Variants in FMN2 observed in about 807,000 individuals in gnomAD.
The protein encoded by FMN2 is formin-2.
A neutral mutation model predicts 142.3 loss-of-function variants in FMN2; 51 were observed. The ratio of observed to expected loss-of-function variants is 0.36; its 90% CI spans 0.29 to 0.45. FMN2 has a LOEUF of 0.45. Among genes scored for constraint, FMN2 ranks in the 20% least tolerant of loss-of-function variants. The pLI is 1.00. For missense variants in FMN2, 1,936 were observed against 2,122.8 expected (o/e 0.91, Z 1.73); for synonymous variants, 882 against 869.8 (o/e 1.01, Z -0.25).
At chr1:240,380,461 G>T (rs1037884738) in intron 14 of FMN2, among the ~76,000 whole-genome samples, 3 of 151,944 alleles carry the variant, frequency 2.0e-5, no homozygotes, top group African/African-American at 7.3e-5. Context: ...ACTGCTACTG[G>T]GTACATATAT....
chr1:240,447,682 G>T (rs562176646), intron 16 of FMN2, among the ~76,000 whole-genome samples: 1 of 152,196 alleles, frequency 6.6e-6, no homozygotes, highest in Non-Finnish European at 1.5e-5. Context: ...ACGTAGATTC[G>T]TCTTTGTGAG....
intron 5 of FMN2, 128 bp from the exon 6 acceptor site, chr1:240,210,963 A>G (rs1312151359): frequency 6.6e-6 from 5 of 752,480 alleles, no homozygotes; most frequent in Non-Finnish European, 8.3e-6. Context: ...TTTCCTTCTT[A>G]TCTCTCTTCT....
At chr1:240,343,108 A>G (rs144675724) in intron 13 of FMN2, among the ~76,000 whole-genome samples, 5 of 152,326 alleles carry the variant, frequency 3.3e-5, no homozygotes, top group African/African-American at 1.2e-4. Context: ...TCTAACAGAT[A>G]TAAAATATTC....
At chr1:240,392,606 G>A in intron 15 of FMN2, 44 bp downstream of exon 15, 1 of 1,501,354 alleles carries the variant, frequency 6.7e-7, no homozygotes, top group Non-Finnish European at 9.1e-7. Context: ...GTTATAACAT[G>A]CTAAGTGTAT....
intron 14 of FMN2, among the ~76,000 whole-genome samples, chr1:240,388,071 A>G (rs530314001): frequency 1.4e-3 from 211 of 150,410 alleles, no homozygotes; most frequent in African/African-American, 4.9e-3. Context: ...CCAGCTACTC[A>G]GGAGGCTGAG....
At chr1:240,364,782 C>T (rs889772932) in intron 14 of FMN2, among the ~76,000 whole-genome samples, 1 of 152,204 alleles carries the variant, frequency 6.6e-6, no homozygotes, top group African/African-American at 2.4e-5. Context: ...GTGTCTTCAG[C>T]ACCTAGTACG....
chr1:240,133,576 C>T (rs1395622504), intron 2 of FMN2, among the ~76,000 whole-genome samples: 3 of 152,176 alleles, frequency 2.0e-5, no homozygotes, highest in African/African-American at 4.8e-5. Context: ...TCTCCTGACC[C>T]ACTTTCCTTT....
chr1:240,393,064 G>C (rs1673660422), intron 15 of FMN2, among the ~76,000 whole-genome samples: 1 of 151,862 alleles, frequency 6.6e-6, no homozygotes, highest in South Asian at 2.1e-4. Context: ...TATACGTCAG[G>C]GTTCTGTAGA....
intron 1 of FMN2, among the ~76,000 whole-genome samples, chr1:240,099,015 G>C (rs1661317824): frequency 6.6e-6 from 1 of 152,092 alleles, no homozygotes; most frequent in South Asian, 2.1e-4. Context: ...TTGCTGTTTA[G>C]CTAAGTGAGT....
At chr1:240,352,201 G>A (rs1672118641) in intron 13 of FMN2, among the ~76,000 whole-genome samples, 1 of 152,176 alleles carries the variant, frequency 6.6e-6, no homozygotes, top group Non-Finnish European at 1.5e-5. Context: ...AGCTCGCTGA[G>A]GACAGGGGTT....
At chr1:240,194,332 G>T (rs1385004736) in intron 4 of FMN2, among the ~76,000 whole-genome samples, 1 of 152,132 alleles carries the variant, frequency 6.6e-6, no homozygotes, top group African/African-American at 2.4e-5. Context: ...ACTTTTAACT[G>T]GGGAACTGTC....
intron 6 of FMN2, among the ~76,000 whole-genome samples, chr1:240,242,613 T>C (rs1043726056): frequency 6.6e-6 from 1 of 152,112 alleles, no homozygotes; most frequent in African/African-American, 2.4e-5. Context: ...GTCTAAAATA[T>C]ACATCAAGAC....
Position 240,286,850 on chromosome 1 carries a change from T to A in FMN2, c.4154-7972T>A, listed in dbSNP as rs1183124932. Among the ~76,000 whole-genome samples, 3 of 152,168 alleles carry A rather than the reference T, an allele frequency of 2.0e-5. No individual in the cohort carries two copies. In the East Asian group the frequency reaches 5.8e-4, roughly 29 times the overall value. On this transcript the variant is annotated intron_variant, in intron 7 of 17. Transcript: ENST00000319653. ...CTTTCAAACTCTGTCACTTTGAGGA[T>A]CTTTTACACCTGACAACGCAGTTCT...
chr1:240,268,530 T>A (rs1668889551), intron 7 of FMN2, among the ~76,000 whole-genome samples: 1 of 152,202 alleles, frequency 6.6e-6, no homozygotes, highest in Admixed American at 6.6e-5. Flanking sequence ...TACTGTTGGC[T>A]CTGTAAAGCA....
At chr1:240,275,205 C>T (rs1022298687) in intron 7 of FMN2, among the ~76,000 whole-genome samples, 1 of 151,702 alleles carries the variant, frequency 6.6e-6, no homozygotes. Context: ...CCGTCACCTA[C>T]ATTAGGTATT....
intron 7 of FMN2, among the ~76,000 whole-genome samples, chr1:240,265,144 A>G (rs1668756582): frequency 6.6e-6 from 1 of 152,204 alleles, no homozygotes; most frequent in Admixed American, 6.5e-5. Context: ...CAGGCATACT[A>G]CTTTTGGCTA....
chr1:240,442,403 A>G (rs2103189321), intron 16 of FMN2, among the ~76,000 whole-genome samples: 1 of 152,346 alleles, frequency 6.6e-6, no homozygotes, highest in African/African-American at 2.4e-5. Context: ...CTGAAGCAAG[A>G]GAAGAGTGTT....
intron 14 of FMN2, among the ~76,000 whole-genome samples, chr1:240,358,497 G>A (rs752051315): frequency 6.6e-6 from 1 of 152,154 alleles, no homozygotes; most frequent in Non-Finnish European, 1.5e-5. Context: ...AATTGCCTGA[G>A]ACTGGGTAAT....
chr1:240,386,425 C>T (rs1008285310), intron 14 of FMN2, among the ~76,000 whole-genome samples: 2 of 152,154 alleles, frequency 1.3e-5, no homozygotes, highest in African/African-American at 4.8e-5. Flanking sequence ...TCTGAGTTGC[C>T]TTCCATCTGA....
Sources: allele counts gnomAD v4.1 joint callset (sites outside exome capture counted in the v4.1 genomes callset), GRCh38; gene constraint gnomAD v4.1.1; transcripts MANE v1.5; gene names NCBI Gene and HGNC (gene_info 2026-07-23, HGNC 2026-07-21).